Variants in PIP5K1B observed in about 807,000 individuals in gnomAD.
PIP5K1B encodes the protein phosphatidylinositol-4-phosphate 5-kinase type 1 beta.
PIP5K1B carries 42 observed loss-of-function variants against 67.0 expected under a neutral mutation model. The observed-to-expected ratio is 0.63, with a 90% confidence interval of 0.49 to 0.81. The LOEUF (loss-of-function observed/expected upper bound fraction) is 0.81. Among genes scored for constraint, PIP5K1B ranks in the 30% least tolerant of loss-of-function variants. PIP5K1B has a pLI of 0.00. For synonymous variants in PIP5K1B, 214 were observed against 231.4 expected (o/e 0.92, Z 0.68); for missense variants, 459 against 646.3 (o/e 0.71, Z 3.14).
At chr9:68,836,283 C>G (rs1045811183) in intron 4 of PIP5K1B, among the ~76,000 whole-genome samples, 3 of 152,086 alleles carry the variant, frequency 2.0e-5, no homozygotes, top group Non-Finnish European at 2.9e-5. Context: ...ATTCCTGACC[C>G]CCAACCCAGT....
At chr9:68,950,123 G>A (rs958521848) in intron 14 of PIP5K1B, among the ~76,000 whole-genome samples, 1 of 152,210 alleles carries the variant, frequency 6.6e-6, no homozygotes, top group African/African-American at 2.4e-5. Context: ...CTGCTTCCCA[G>A]TGTGGTTCCT....
chr9:68,707,541 GTTC>G (rs1827180714), intron 1 of PIP5K1B: 2 of 152,158 alleles, frequency 1.3e-5, no homozygotes, highest in African/African-American at 4.8e-5. Flanking sequence ...AAATGGCAGA[GTTC>G]TTCTGCATTT....
chr9:68,959,360 A>C (rs1587721976), intron 14 of PIP5K1B, among the ~76,000 whole-genome samples: 1 of 152,056 alleles, frequency 6.6e-6, no homozygotes, highest in East Asian at 1.9e-4. Context: ...TTCTCTTCAT[A>C]TTTCTTTTCA....
intron 2 of PIP5K1B, among the ~76,000 whole-genome samples, chr9:68,766,119 A>G (rs1230520948): frequency 6.6e-6 from 1 of 152,178 alleles, no homozygotes; most frequent in Non-Finnish European, 1.5e-5. Context: ...ATGGCATAAT[A>G]TGGTAAGGAG....
chr9:68,970,759 G>A (rs1157651239), intron 14 of PIP5K1B, among the ~76,000 whole-genome samples: 1 of 152,078 alleles, frequency 6.6e-6, no homozygotes, highest in Non-Finnish European at 1.5e-5. Flanking sequence ...ATTTTTCTGG[G>A]GTCCCACCAG....
At chr9:68,961,462 A>G (rs982938545) in intron 14 of PIP5K1B, among the ~76,000 whole-genome samples, 1 of 152,248 alleles carries the variant, frequency 6.6e-6, no homozygotes, top group African/African-American at 2.4e-5. Flanking sequence ...ATATATCAAT[A>G]AAACTATTTC....
intron 5 of PIP5K1B, 79 bp downstream of exon 5, chr9:68,864,046 A>G (rs2132263990): frequency 3.7e-6 from 5 of 1,351,194 alleles, no homozygotes; most frequent in East Asian, 2.3e-5. Flanking sequence ...GGGCTTTTCT[A>G]CTATGTACAT....
chr9:68,992,503 C>A (rs201436704), intron 15 of PIP5K1B, among the ~76,000 whole-genome samples: 3 of 152,212 alleles, frequency 2.0e-5, no homozygotes, highest in East Asian at 3.9e-4. Context: ...CTCTGCAGGG[C>A]ATCAGTCACC....
At chr9:68,753,315 T>C (rs575590179) in intron 2 of PIP5K1B, among the ~76,000 whole-genome samples, 6 of 150,200 alleles carry the variant, frequency 4.0e-5, no homozygotes, top group Non-Finnish European at 8.9e-5. Flanking sequence ...TGGTTAAATA[T>C]GGTTTATTTC....
intron 14 of PIP5K1B, among the ~76,000 whole-genome samples, chr9:68,987,533 G>A (rs12351479): frequency 2.0e-5 from 3 of 152,162 alleles, no homozygotes; most frequent in Admixed American, 6.5e-5. Context: ...TTGCACTCTA[G>A]CCTGGGCAAC....
chr9:68,784,304 A>G (rs1264431164), intron 2 of PIP5K1B: 1 of 151,688 alleles, frequency 6.6e-6, no homozygotes. Context: ...TCCTAAAGTC[A>G]ATAGCAACAT....
chr9:69,007,793 G>GTTGCGGTGAGCTGAGATC (rs1831158920), intron 15 of PIP5K1B, among the ~76,000 whole-genome samples: 1 of 152,008 alleles, frequency 6.6e-6, no homozygotes, highest in Admixed American at 6.5e-5. Flanking sequence ...GGAGGCAGAG[G>GTTGCGGTGAGCTGAGATC]TTGCGGTGAG....
rs946217002 is a variant in PIP5K1B, at chr9:68,894,437, C to T, written c.570C>T (p.Asn190=). The part of the protein sequence containing the change: ...GINIRIVVMN[N]VLPRSMRMHF... ...ATATCAGGATTGTGGTGATGAACAACGTTTTGCCACGCTCCATGAGAATGC... is the reference window on the plus strand; with the variant it reads ...ATATCAGGATTGTGGTGATGAACAATGTTTTGCCACGCTCCATGAGAATGC... Residue 190 remains asparagine (N), a synonymous_variant, in exon 8 of 16, where the codon AAC becomes AAT. Transcript: ENST00000265382. 39 of 1,613,772 alleles carry T rather than the reference C, an allele frequency of 2.4e-5. No homozygotes were observed. Among genetic ancestry groups the T allele is most frequent in the Non-Finnish European group, 3.1e-5 (37 of 1,179,882 alleles).
At chr9:68,971,769 G>C (rs1157955686) in intron 14 of PIP5K1B, among the ~76,000 whole-genome samples, 3 of 152,102 alleles carry the variant, frequency 2.0e-5, no homozygotes, top group Non-Finnish European at 4.4e-5. Flanking sequence ...TTTCATGTTT[G>C]TTGGCTGCAT....
chr9:68,817,231 A>C (rs997134885), intron 2 of PIP5K1B, among the ~76,000 whole-genome samples: 4 of 152,254 alleles, frequency 2.6e-5, no homozygotes, highest in Non-Finnish European at 5.9e-5. Flanking sequence ...GGCGAACACC[A>C]GTGCTGATCA....
At chr9:68,986,755 TG>T in intron 14 of PIP5K1B, among the ~76,000 whole-genome samples, 1 of 152,202 alleles carries the variant, frequency 6.6e-6, no homozygotes, top group Non-Finnish European at 1.5e-5. Context: ...AATTAATTTT[TG>T]TATGTTAATT....
intron 14 of PIP5K1B, among the ~76,000 whole-genome samples, chr9:68,989,255 G>A (rs745533954): frequency 1.3e-5 from 2 of 151,952 alleles, no homozygotes; most frequent in Admixed American, 6.6e-5. Flanking sequence ...TCCCAGACGC[G>A]GGAAAGACAG....
chr9:68,932,066 G>A (rs1401279542), intron 12 of PIP5K1B, among the ~76,000 whole-genome samples: 2 of 152,136 alleles, frequency 1.3e-5, no homozygotes, highest in South Asian at 2.1e-4. Flanking sequence ...CTCATTATAC[G>A]TGATGCTGAT....
chr9:68,751,427 G>T (rs1475775014), intron 2 of PIP5K1B, among the ~76,000 whole-genome samples: 1 of 152,208 alleles, frequency 6.6e-6, no homozygotes, highest in African/African-American at 2.4e-5. Flanking sequence ...GAGAACCTAT[G>T]AATTGATCTC....
Sources: gnomAD v4.1 joint callset for allele counts (sites outside exome capture counted in the v4.1 genomes callset) on GRCh38, gnomAD v4.1.1 for gene constraint, MANE v1.5 for transcripts, NCBI Gene and HGNC (gene_info 2026-07-23, HGNC 2026-07-21) for gene names.